FSHR: variants seen among roughly 807,000 people sequenced by gnomAD.
FSHR encodes follicle stimulating hormone receptor, also known as follicle-stimulating hormone receptor.
Under a neutral mutation model 52.1 loss-of-function variants are expected in FSHR, and 46 were observed. That is an observed-to-expected ratio of 0.88 (90% CI 0.70 to 1.13). FSHR has a LOEUF of 1.13. Ranked by LOEUF, FSHR falls within the 50% of genes most tolerant of loss-of-function variation. The pLI is 0.00. For missense variants in FSHR, 964 were observed against 834.6 expected (o/e 1.16, Z -1.91); for synonymous variants, 399 against 309.6 (o/e 1.29, Z -3.03).
intron 2 of FSHR, among the ~76,000 whole-genome samples, chr2:49,040,622 T>C (rs1421084615): frequency 1.3e-5 from 2 of 152,066 alleles, no homozygotes; most frequent in African/African-American, 2.4e-5. Flanking sequence ...TATGGTACAG[T>C]GCAGGCAAGG....
At chr2:49,038,285 T>C (rs1668344517) in intron 2 of FSHR, among the ~76,000 whole-genome samples, 1 of 152,170 alleles carries the variant, frequency 6.6e-6, no homozygotes, top group South Asian at 2.1e-4. Context: ...GTGAAGTCTC[T>C]GGCAAGTAAT....
chr2:49,050,302 A>C (rs1242150539), intron 2 of FSHR, among the ~76,000 whole-genome samples: 1 of 152,148 alleles, frequency 6.6e-6, no homozygotes, highest in East Asian at 1.9e-4. Context: ...CAGGAGCTTT[A>C]CCCAGAAATG....
intron 1 of FSHR, among the ~76,000 whole-genome samples, chr2:49,127,973 A>G (rs1421504029): frequency 1.4e-5 from 2 of 147,254 alleles, no homozygotes. Flanking sequence ...ACTCACCGCA[A>G]CCTCTGCTTC....
intron 1 of FSHR, among the ~76,000 whole-genome samples, chr2:49,102,886 A>G (rs1213507569): frequency 6.6e-6 from 1 of 152,128 alleles, no homozygotes; most frequent in Non-Finnish European, 1.5e-5. Context: ...GAGTGAGATC[A>G]AGGATGGAAA....
intron 8 of FSHR, among the ~76,000 whole-genome samples, chr2:48,972,552 C>T (rs531193616): frequency 9.8e-5 from 15 of 152,296 alleles, no homozygotes; most frequent in South Asian, 6.2e-4. Context: ...CTTTTGGCAA[C>T]GCCTCTTCTA....
At chr2:49,037,188 C>T (rs1668298630) in intron 2 of FSHR, among the ~76,000 whole-genome samples, 1 of 152,172 alleles carries the variant, frequency 6.6e-6, no homozygotes, top group African/African-American at 2.4e-5. Flanking sequence ...GAAACAGTCA[C>T]CTGCAAATAT....
At chr2:49,021,669 C>A (rs982264785) in intron 2 of FSHR, among the ~76,000 whole-genome samples, 1 of 151,560 alleles carries the variant, frequency 6.6e-6, no homozygotes, top group Non-Finnish European at 1.5e-5. Context: ...GGCTTGTTAA[C>A]CCAGTGGTGG....
chr2:49,089,401 C>A (rs1369859519), intron 1 of FSHR, among the ~76,000 whole-genome samples: 1 of 152,080 alleles, frequency 6.6e-6, no homozygotes, highest in African/African-American at 2.4e-5. Context: ...TCTTTAGATA[C>A]TATTAGAACA....
chr2:49,060,503 T>C (rs1669246691), intron 2 of FSHR, among the ~76,000 whole-genome samples: 1 of 152,152 alleles, frequency 6.6e-6, no homozygotes, highest in Admixed American at 6.5e-5. Context: ...CCTAAGCTGA[T>C]GTGACACTCT....
chr2:49,137,396 T>C (rs1672525395), intron 1 of FSHR, among the ~76,000 whole-genome samples: 1 of 152,096 alleles, frequency 6.6e-6, no homozygotes, highest in Non-Finnish European at 1.5e-5. Flanking sequence ...GACTTAATAT[T>C]GTTAAGATGG....
At chr2:49,139,284 A>T (rs369974500) in intron 1 of FSHR, among the ~76,000 whole-genome samples, 1 of 152,156 alleles carries the variant, frequency 6.6e-6, no homozygotes, top group Non-Finnish European at 1.5e-5. Context: ...TTGGGTGTAT[A>T]TGGAGACCCA....
At chr2:49,021,278 T>G (rs1667686103) in intron 2 of FSHR, among the ~76,000 whole-genome samples, 1 of 152,078 alleles carries the variant, frequency 6.6e-6, no homozygotes, top group South Asian at 2.1e-4. Flanking sequence ...CAGAAGAGAA[T>G]GAAGTCCACT....
intron 1 of FSHR, among the ~76,000 whole-genome samples, chr2:49,112,575 T>C (rs1671460151): frequency 6.6e-6 from 1 of 152,174 alleles, no homozygotes; most frequent in African/African-American, 2.4e-5. Context: ...CATTGATAGG[T>C]AGAGAAACCC....
At chr2:49,085,517 T>G (rs149538603) in intron 1 of FSHR, among the ~76,000 whole-genome samples, 1 of 152,288 alleles carries the variant, frequency 6.6e-6, no homozygotes, top group East Asian at 1.9e-4. Flanking sequence ...GAGCTTTACT[T>G]CCAACTATGT....
intron 4 of FSHR, among the ~76,000 whole-genome samples, chr2:49,012,025 G>A (rs1343530333): frequency 6.6e-6 from 1 of 152,086 alleles, no homozygotes; most frequent in African/African-American, 2.4e-5. Flanking sequence ...GAAAGCACAT[G>A]TCATGGCAGC....
chr2:49,121,878 C>T (rs1198842126), intron 1 of FSHR, among the ~76,000 whole-genome samples: 1 of 151,944 alleles, frequency 6.6e-6, no homozygotes, highest in Non-Finnish European at 1.5e-5. Context: ...ATCTTCAGGA[C>T]AAAAATAAAC....
At chr2:49,124,087 G>C (rs1230106860) in intron 1 of FSHR, among the ~76,000 whole-genome samples, 1 of 151,240 alleles carries the variant, frequency 6.6e-6, no homozygotes, top group African/African-American at 2.4e-5. Context: ...TGCACCTCCC[G>C]GGTTTAGGCA....
intron 1 of FSHR, among the ~76,000 whole-genome samples, chr2:49,150,707 C>A (rs776241018): frequency 6.6e-6 from 1 of 151,890 alleles, no homozygotes; most frequent in African/African-American, 2.4e-5. Flanking sequence ...AAAGGCTGCC[C>A]GTGAGTGAAC....
intron 8 of FSHR, among the ~76,000 whole-genome samples, chr2:48,981,264 C>T (rs187919240): frequency 6.6e-6 from 1 of 152,146 alleles, no homozygotes; most frequent in Non-Finnish European, 1.5e-5. Flanking sequence ...AATGTATTGC[C>T]TGACTCCTCT....
Sources: gnomAD v4.1 joint callset for allele counts (sites outside exome capture counted in the v4.1 genomes callset) on GRCh38, gnomAD v4.1.1 for gene constraint, MANE v1.5 for transcripts, NCBI Gene and HGNC (gene_info 2026-07-23, HGNC 2026-07-21) for gene names.